The following MECOM variants were observed in gnomAD, a reference collection of about 807,000 sequenced individuals.
MECOM encodes histone-lysine N-methyltransferase MECOM.
In MECOM, 13 loss-of-function variants were observed where a neutral mutation model predicts 116.3. That is an observed-to-expected ratio of 0.11 (90% CI 0.07 to 0.18). MECOM has a LOEUF of 0.18. MECOM is among the 10% of genes least tolerant of loss of function. MECOM has a pLI of 1.00. For synonymous variants in MECOM, 528 were observed against 535.2 expected (o/e 0.99, Z 0.19); for missense variants, 1,299 against 1,509.0 (o/e 0.86, Z 2.31).
intron 1 of MECOM, among the ~76,000 whole-genome samples, chr3:169,557,291 C>T (rs1200074112): frequency 1.3e-5 from 2 of 152,212 alleles, no homozygotes; most frequent in East Asian, 3.9e-4. Flanking sequence ...CTGAAGCTAA[C>T]CATTGAGCTG....
chr3:169,342,555 T>C lies in MECOM; in HGVS notation c.375+38632A>G, dbSNP rs566418258. On this transcript the variant is annotated intron_variant, in intron 2 of 16. Transcript: ENST00000651503. ...CTTATAAAGTCATTTTGAGAACTAC[T>C]CTATATATCAAACATTTAAAAAATG... Among the ~76,000 whole-genome samples the C allele has an allele frequency of 7.9e-5, 12 of 152,296 alleles. No individual in the cohort carries two copies. The South Asian group carries it at 2.5e-3, about 32-fold the overall frequency.
At chr3:169,619,915 T>C (rs1346631326) in intron 1 of MECOM, among the ~76,000 whole-genome samples, 2 of 152,226 alleles carry the variant, frequency 1.3e-5, no homozygotes, top group East Asian at 1.9e-4. Context: ...AGCACCCTGG[T>C]GTCCCCCTGC....
chr3:169,553,187 T>C (rs1437587216), intron 1 of MECOM, among the ~76,000 whole-genome samples: 1 of 152,032 alleles, frequency 6.6e-6, no homozygotes, highest in African/African-American at 2.4e-5. Flanking sequence ...CCTCAACAAA[T>C]AAATATCAAA....
intron 1 of MECOM, among the ~76,000 whole-genome samples, chr3:169,609,153 CA>C (rs1223721873): frequency 6.6e-6 from 1 of 152,172 alleles, no homozygotes; most frequent in African/African-American, 2.4e-5. Flanking sequence ...AGTCCCAAAC[CA>C]AATGTAAAAT....
intron 14 of MECOM, among the ~76,000 whole-genome samples, chr3:169,092,075 T>C (rs927249852): frequency 3.9e-5 from 6 of 152,138 alleles, no homozygotes; most frequent in African/African-American, 1.4e-4. Context: ...CCAGTAGTTT[T>C]GGTGAAATAG....
chr3:169,293,117 G>A (rs1714919781), intron 2 of MECOM, among the ~76,000 whole-genome samples: 2 of 152,186 alleles, frequency 1.3e-5, no homozygotes, highest in South Asian at 2.1e-4. Context: ...ATCGCAGGAG[G>A]AGTCAGCTAG....
intron 2 of MECOM, among the ~76,000 whole-genome samples, chr3:169,204,512 C>G (rs1749644664): frequency 6.6e-6 from 1 of 152,132 alleles, no homozygotes; most frequent in Non-Finnish European, 1.5e-5. Context: ...ATGCCCCTGC[C>G]TACTCTGCAA....
chr3:169,654,342 GA>G (rs1358618345), intron 1 of MECOM, among the ~76,000 whole-genome samples: 3 of 152,130 alleles, frequency 2.0e-5, no homozygotes, highest in African/African-American at 7.2e-5. Context: ...GAACATATAT[GA>G]CCTTCCTACA....
At position 169,100,856 on chromosome 3, in the gene MECOM, AAG is replaced by A. The variant is rs1723348591; in HGVS notation, c.2849+27_2849+28del. 3.8e-6 allele frequency: 5 copies of A among 1,315,636 alleles called. No homozygotes were observed. In the South Asian group the frequency reaches 6.1e-5, roughly 16 times the overall value. The allele number at this position is 1,315,636 out of a possible 1,614,324, so 81.5% of individuals were successfully genotyped here. Reference sequence around the variant, plus strand: ...AACTTTAATTATTACAATATTTATCAAGATATTTAGCAAATATCATTGTCAGA... The same window carrying A: ...AACTTTAATTATTACAATATTTATCAATATTTAGCAAATATCATTGTCAGA... On this transcript the variant is annotated intron_variant, in intron 12 of 16. Transcript: ENST00000651503.
intron 2 of MECOM, among the ~76,000 whole-genome samples, chr3:169,193,616 G>A (rs1188498166): frequency 1.3e-5 from 2 of 151,542 alleles, no homozygotes; most frequent in African/African-American, 2.4e-5. Flanking sequence ...TGAGAATAAG[G>A]CCTTTCAATA....
intron 2 of MECOM, among the ~76,000 whole-genome samples, chr3:169,298,250 C>T (rs751644342): frequency 5.9e-5 from 9 of 151,620 alleles, no homozygotes; most frequent in Non-Finnish European, 1.0e-4. Context: ...GAATGGAAAT[C>T]GATATAAAAA....
At chr3:169,477,709 CT>C (rs548141397) in intron 1 of MECOM, among the ~76,000 whole-genome samples, 3 of 151,400 alleles carry the variant, frequency 2.0e-5, no homozygotes, top group African/African-American at 2.4e-5. Context: ...CTTATGCAGA[CT>C]TTTTTTTTGC....
In MECOM at chr3:169,441,013, T is replaced by C. The variant is rs545170455; in HGVS notation, c.38-59489A>G. Among the ~76,000 whole-genome samples the C allele has an allele frequency of 3.2e-4, 49 of 152,318 alleles. 2 individuals are homozygous for C. In the South Asian group the frequency reaches 8.3e-3, roughly 26 times the overall value. On this transcript the variant is annotated intron_variant, in intron 1 of 16. Coordinates refer to ENST00000651503, the MANE Select transcript of MECOM (RefSeq NM_004991.4). ...TTAGGTGCACAATTAATTTCCCAAATAGTTTAAATAATCTAGAGGAGCAGA... is the reference window on the plus strand; with the variant it reads ...TTAGGTGCACAATTAATTTCCCAAACAGTTTAAATAATCTAGAGGAGCAGA...
chr3:169,379,680 C>T (rs1386896728), intron 2 of MECOM, among the ~76,000 whole-genome samples: 2 of 152,086 alleles, frequency 1.3e-5, no homozygotes, highest in African/African-American at 4.8e-5. Context: ...CATTATTAAG[C>T]TGTGGTTTAT....
At chr3:169,427,733 G>A (rs1023283400) in intron 1 of MECOM, among the ~76,000 whole-genome samples, 1 of 152,126 alleles carries the variant, frequency 6.6e-6, no homozygotes, top group African/African-American at 2.4e-5. Flanking sequence ...AGAGATTATT[G>A]CTATCTTTTC....
At chr3:169,189,289 G>A (rs1402868845) in intron 2 of MECOM, among the ~76,000 whole-genome samples, 2 of 151,696 alleles carry the variant, frequency 1.3e-5, no homozygotes, top group Non-Finnish European at 2.9e-5. Context: ...ACCTTTACTA[G>A]GGGCAGAGGG....
chr3:169,382,849 C>CAAAAAAAAAAAAAAAAAAAAAAAAAAA (rs1157852145), intron 1 of MECOM, among the ~76,000 whole-genome samples: 1 of 47,158 alleles, frequency 2.1e-5, no homozygotes, highest in African/African-American at 8.9e-5. Context: ...AAGCCCATCT[C>CAAAAAAAAAAAAAAAAAAAAAAAAAAA]AAAAAAAAAA....
At chr3:169,535,083 A>G (rs183100566) in intron 1 of MECOM, among the ~76,000 whole-genome samples, 5 of 152,276 alleles carry the variant, frequency 3.3e-5, no homozygotes, top group Admixed American at 1.3e-4. Context: ...GGGATCTGAA[A>G]CCTGGGCCAA....
At chr3:169,192,375 T>G (rs938341107) in intron 2 of MECOM, among the ~76,000 whole-genome samples, 1 of 152,006 alleles carries the variant, frequency 6.6e-6, no homozygotes, top group African/African-American at 2.4e-5. Context: ...AAATATATAT[T>G]TAAGTTTTCC....
Sources: allele counts gnomAD v4.1 joint callset (sites outside exome capture counted in the v4.1 genomes callset), GRCh38; gene constraint gnomAD v4.1.1; transcripts MANE v1.5; gene names NCBI Gene and HGNC (gene_info 2026-07-23, HGNC 2026-07-21).